The following WDR7 variants were observed in gnomAD, a reference collection of about 807,000 sequenced individuals.
WDR7 encodes WD repeat-containing protein 7.
WDR7 carries 46 observed loss-of-function variants against 169.4 expected under a neutral mutation model. The observed-to-expected ratio is 0.27, with a 90% CI of 0.21 to 0.35. WDR7 has a LOEUF of 0.35. Among genes scored for constraint, WDR7 ranks in the 10% least tolerant of loss-of-function variants. WDR7 has a pLI of 1.00. For missense variants in WDR7, 1,534 were observed against 1,859.3 expected (o/e 0.83, Z 3.22); for synonymous variants, 612 against 666.8 (o/e 0.92, Z 1.27).
intron 20 of WDR7, among the ~76,000 whole-genome samples, chr18:56,819,447 T>C (rs1237791147): frequency 6.6e-6 from 1 of 152,188 alleles, no homozygotes; most frequent in African/African-American, 2.4e-5. Flanking sequence ...AATGCCAGTG[T>C]GCCTTGGTCA....
chr18:56,675,236 A>G (rs2025219116), intron 2 of WDR7, among the ~76,000 whole-genome samples: 1 of 152,118 alleles, frequency 6.6e-6, no homozygotes, highest in Non-Finnish European at 1.5e-5. Flanking sequence ...TCAGCTTGTC[A>G]ATTTCTACAA....
intron 16 of WDR7, among the ~76,000 whole-genome samples, chr18:56,763,022 G>A (rs985816167): frequency 6.6e-6 from 1 of 151,596 alleles, no homozygotes; most frequent in Non-Finnish European, 1.5e-5. Context: ...GTGCAGTGGC[G>A]CGATCTCAGC....
At chr18:56,938,509 C>A (rs758705268) in intron 23 of WDR7, 24 bp from the exon 24 acceptor site, 1 of 1,611,516 alleles carries the variant, frequency 6.2e-7, no homozygotes, top group Non-Finnish European at 8.5e-7. Flanking sequence ...TCAATCATAT[C>A]TACAGCATAG....
At chr18:56,819,338 A>G (rs1568213304) in intron 20 of WDR7, among the ~76,000 whole-genome samples, 1 of 152,184 alleles carries the variant, frequency 6.6e-6, no homozygotes, top group Non-Finnish European at 1.5e-5. Context: ...CTTGATTGAT[A>G]CAATTTAAAT....
intron 20 of WDR7, among the ~76,000 whole-genome samples, chr18:56,856,446 A>G (rs975768372): frequency 1.3e-5 from 2 of 152,146 alleles, no homozygotes; most frequent in African/African-American, 4.8e-5. Context: ...AGGCACAAGA[A>G]TTGCTTGAAC....
At chr18:56,759,877 T>C (rs1017000638) in intron 16 of WDR7, among the ~76,000 whole-genome samples, 4 of 152,184 alleles carry the variant, frequency 2.6e-5, no homozygotes, top group Admixed American at 6.5e-5. Context: ...TTATCTCTCT[T>C]AGCTGATTAT....
intron 23 of WDR7, among the ~76,000 whole-genome samples, chr18:56,937,186 G>A (rs1044830205): frequency 1.3e-5 from 2 of 151,982 alleles, no homozygotes; most frequent in Non-Finnish European, 2.9e-5. Flanking sequence ...CCAGCTTTTG[G>A]CTGGAAAGAT....
At chr18:56,945,407 A>G (rs1048296844) in intron 25 of WDR7, among the ~76,000 whole-genome samples, 2 of 152,226 alleles carry the variant, frequency 1.3e-5, no homozygotes, top group African/African-American at 2.4e-5. Context: ...AGCTGTCTGT[A>G]GGACTGAGGT....
At chr18:56,766,914 C>A (rs1263532723) in intron 16 of WDR7, among the ~76,000 whole-genome samples, 2 of 152,156 alleles carry the variant, frequency 1.3e-5, no homozygotes, top group Non-Finnish European at 1.5e-5. Flanking sequence ...TGCTTTCCTG[C>A]CTCTTTGCGT....
chr18:56,962,633 A>G, intron 26 of WDR7, 104 bp downstream of exon 26: 1 of 1,011,246 alleles, frequency 9.9e-7, no homozygotes, highest in Non-Finnish European at 1.5e-6. Flanking sequence ...CTGGAACATT[A>G]TGGATAATGC....
At chr18:57,020,878 G>T (rs1040433150) in intron 27 of WDR7, 29 bp downstream of exon 27, 1 of 1,602,550 alleles carries the variant, frequency 6.2e-7, no homozygotes, top group Non-Finnish European at 8.5e-7. Context: ...GGGTCTTAAA[G>T]CATATACTGC....
chr18:56,710,676 T>G (rs2026067723), intron 12 of WDR7, among the ~76,000 whole-genome samples: 1 of 152,240 alleles, frequency 6.6e-6, no homozygotes, highest in Admixed American at 6.5e-5. Flanking sequence ...TTAACATTTT[T>G]AAGGCTGCTG....
intron 12 of WDR7, among the ~76,000 whole-genome samples, chr18:56,711,689 C>G (rs142472930): frequency 3.4e-3 from 514 of 151,948 alleles, no homozygotes; most frequent in Non-Finnish European, 4.6e-3. Flanking sequence ...ATTAAATAAA[C>G]AGTCCTCTAC....
chr18:56,760,454 A>G (rs1376989220), intron 16 of WDR7, among the ~76,000 whole-genome samples: 1 of 152,182 alleles, frequency 6.6e-6, no homozygotes, highest in Non-Finnish European at 1.5e-5. Flanking sequence ...TAAACAGTAT[A>G]TATTTTGTGC....
chr18:56,704,979 T>A (rs1354084630), intron 12 of WDR7, among the ~76,000 whole-genome samples: 2 of 152,044 alleles, frequency 1.3e-5, no homozygotes, highest in African/African-American at 2.4e-5. Context: ...TCAAAATGAG[T>A]TTACATTTCA....
At chr18:56,768,789 G>A (rs931564566) in intron 16 of WDR7, among the ~76,000 whole-genome samples, 1 of 152,074 alleles carries the variant, frequency 6.6e-6, no homozygotes, top group Non-Finnish European at 1.5e-5. Context: ...ATGAATATGC[G>A]TCTTTTCAAT....
intron 19 of WDR7, among the ~76,000 whole-genome samples, chr18:56,785,949 C>T (rs890511340): frequency 6.6e-6 from 1 of 151,666 alleles, no homozygotes; most frequent in Admixed American, 6.6e-5. Flanking sequence ...TAAAGGTGCA[C>T]ACCACCATGC....
chr18:56,676,627 A>G (rs1438249583), intron 2 of WDR7, among the ~76,000 whole-genome samples: 1 of 151,896 alleles, frequency 6.6e-6, no homozygotes. Flanking sequence ...TAATAACACT[A>G]TTTGCATAAA....
intron 12 of WDR7, among the ~76,000 whole-genome samples, chr18:56,700,533 G>T (rs1355230861): frequency 7.0e-6 from 1 of 143,190 alleles, no homozygotes; most frequent in African/African-American, 2.6e-5. Context: ...GGGATTACAG[G>T]TGTGAGCCAC....
Sources: gnomAD v4.1 joint callset for allele counts (sites outside exome capture counted in the v4.1 genomes callset) on GRCh38, gnomAD v4.1.1 for gene constraint, MANE v1.5 for transcripts, NCBI Gene and HGNC (gene_info 2026-07-23, HGNC 2026-07-21) for gene names.